ZMAT4: variants seen among roughly 807,000 people sequenced by gnomAD.
ZMAT4 encodes zinc finger matrin-type 4.
A neutral mutation model predicts 28.7 loss-of-function variants in ZMAT4; 17 were observed. The ratio of observed to expected loss-of-function variants is 0.59; its 90% CI spans 0.41 to 0.89. ZMAT4 has a LOEUF of 0.89. Among genes scored for constraint, ZMAT4 ranks in the 40% least tolerant of loss-of-function variants. The pLI, the probability that ZMAT4 is intolerant of heterozygous loss-of-function variation, is 0.00. For synonymous variants in ZMAT4, 117 were observed against 109.2 expected, an observed-to-expected ratio of 1.07 and a Z score of -0.44; for missense variants, 240 against 283.8, an observed-to-expected ratio of 0.85 and a Z score of 1.11.
intron 6 of ZMAT4, among the ~76,000 whole-genome samples, chr8:40,546,158 T>G (rs891117801): frequency 6.6e-6 from 1 of 151,810 alleles, no homozygotes; most frequent in Non-Finnish European, 1.5e-5. Flanking sequence ...AAAAGCAAAT[T>G]TAAGAAAATC....
intron 6 of ZMAT4, among the ~76,000 whole-genome samples, chr8:40,565,012 G>T (rs1347067963): frequency 2.0e-5 from 3 of 152,110 alleles, no homozygotes; most frequent in Non-Finnish European, 4.4e-5. Flanking sequence ...CTGCTCATTT[G>T]CTACCAATTC....
In ZMAT4 at chr8:40,674,779, T is replaced by A; in HGVS notation, c.502A>T (p.Lys168Ter). The change falls in exon 5 of 7, where the codon AAA becomes TAA. Residue 168 changes from lysine to a stop codon, truncating the protein, a stop_gained. Transcript: ENST00000297737. LOFTEE classifies it high-confidence loss of function. ...LMAQQHYDGK[K>*]HKKNAARVAL... ...ACTCTTGCCGCATTCTTTTTGTGTT[T>A]CTTGCCATCATAATGTTGCTGGGCC... The A allele has an allele frequency of 6.2e-7, 1 of 1,614,022 alleles. No individual in the cohort carries two copies. Among genetic ancestry groups the A allele is most frequent in the East Asian group, 2.2e-5 (1 of 44,878 alleles).
At chr8:40,778,228 C>T (rs1294297333) in intron 2 of ZMAT4, among the ~76,000 whole-genome samples, 1 of 152,168 alleles carries the variant, frequency 6.6e-6, no homozygotes, top group South Asian at 2.1e-4. Context: ...CTAGGGTGCA[C>T]TTAAAATGTG....
chr8:40,582,778 T>C (rs1804533968), intron 5 of ZMAT4, among the ~76,000 whole-genome samples: 1 of 152,232 alleles, frequency 6.6e-6, no homozygotes, highest in East Asian at 1.9e-4. Context: ...ATCTGGCATG[T>C]ATGTGAGAGT....
intron 5 of ZMAT4, among the ~76,000 whole-genome samples, chr8:40,602,178 G>A (rs759029086): frequency 5.9e-5 from 9 of 152,070 alleles, no homozygotes; most frequent in South Asian, 2.1e-4. Flanking sequence ...TCCAGGTTGC[G>A]CGAATGCCAT....
chr8:40,709,895 G>T (rs144643564), intron 3 of ZMAT4, among the ~76,000 whole-genome samples: 6 of 151,980 alleles, frequency 3.9e-5, no homozygotes, highest in African/African-American at 7.3e-5. Flanking sequence ...AAAATTAGCC[G>T]GGTGTGGTGG....
intron 6 of ZMAT4, among the ~76,000 whole-genome samples, chr8:40,557,354 C>T (rs2118448327): frequency 6.6e-6 from 1 of 151,880 alleles, no homozygotes; most frequent in African/African-American, 2.4e-5. Context: ...AGCTCCTACT[C>T]CTACTCTAGC....
intron 1 of ZMAT4, among the ~76,000 whole-genome samples, chr8:40,860,955 A>C (rs1817468795): frequency 6.6e-6 from 1 of 152,204 alleles, no homozygotes; most frequent in South Asian, 2.1e-4. Flanking sequence ...AGACAGACCC[A>C]AAAAAGGAGC....
At chr8:40,724,540 T>G (rs542270776) in intron 3 of ZMAT4, among the ~76,000 whole-genome samples, 1 of 152,384 alleles carries the variant, frequency 6.6e-6, no homozygotes, top group African/African-American at 2.4e-5. Context: ...ATCTACTATA[T>G]GCCAGGCATT....
chr8:40,594,128 G>A (rs959125330), intron 5 of ZMAT4, among the ~76,000 whole-genome samples: 1 of 152,036 alleles, frequency 6.6e-6, no homozygotes, highest in Non-Finnish European at 1.5e-5. Context: ...TTTCCCCTCC[G>A]CCAGCCTGAC....
At chr8:40,839,336 C>T (rs1226860499) in intron 1 of ZMAT4, among the ~76,000 whole-genome samples, 1 of 152,206 alleles carries the variant, frequency 6.6e-6, no homozygotes. Flanking sequence ...CCTCCAGAAA[C>T]TTACAAGTAA....
rs11461186 is a variant in ZMAT4, at chr8:40,732,834, C to CTTT, written c.192+34804_192+34806dup. Among the ~76,000 whole-genome samples, 138 of 67,068 alleles carry CTTT rather than the reference C, an allele frequency of 2.1e-3. 16 individuals are homozygous for CTTT. Among genetic ancestry groups the CTTT allele is most frequent in the Non-Finnish European group, 2.4e-3 (85 of 35,166 alleles). The allele number at this position is 67,068 out of a possible 152,430, so 44.0% of individuals were successfully genotyped here. ...GCAGACCTGGGCTGAGCAAGACCTC[C>CTTT]TTTTTTTTTTTTTTTTTTTTTTTTT... is the stretch of plus-strand genomic sequence containing the variant. On this transcript the variant is annotated intron_variant, in intron 3 of 6. Transcript: ENST00000297737.
At chr8:40,564,264 G>A (rs893681699) in intron 6 of ZMAT4, among the ~76,000 whole-genome samples, 2 of 152,112 alleles carry the variant, frequency 1.3e-5, no homozygotes, top group Non-Finnish European at 2.9e-5. Context: ...AACTCACTGA[G>A]TTTTGTATTG....
chr8:40,715,383 C>T (rs1810807720), intron 3 of ZMAT4, among the ~76,000 whole-genome samples: 1 of 152,088 alleles, frequency 6.6e-6, no homozygotes, highest in Non-Finnish European at 1.5e-5. Context: ...GCAACAACAG[C>T]CATGATCTAC....
chr8:40,691,415 AAAAAGAG>A (rs1012654180), intron 4 of ZMAT4, among the ~76,000 whole-genome samples: 5 of 151,994 alleles, frequency 3.3e-5, no homozygotes, highest in Admixed American at 1.3e-4. Flanking sequence ...AAAAAAAAAA[AAAAAGAG>A]AGAGAGACTT....
intron 3 of ZMAT4, among the ~76,000 whole-genome samples, chr8:40,759,531 G>T (rs73677451): frequency 0.12 from 18,955 of 152,106 alleles, 1,670 homozygotes; most frequent in East Asian, 0.38. Context: ...ATGTTCATCT[G>T]CAAAGCAGGA....
In ZMAT4 at chr8:40,887,412, C is replaced by G. The variant is rs926459024; in HGVS notation, c.-5+10271G>C. Among the ~76,000 whole-genome samples the G allele has an allele frequency of 2.0e-5, 3 of 151,452 alleles. No individual in the cohort carries two copies. The East Asian group carries it at 5.8e-4, about 29-fold the overall frequency. On this transcript the variant is annotated intron_variant, in intron 1 of 6. Transcript: ENST00000297737. ...GCTGAGACAAGAGAATTGCTTGAAC[C>G]CAGGAGGCAGAGGTTGCAGTGAGCT...
chr8:40,803,015 A>T (rs1410937636), intron 2 of ZMAT4, among the ~76,000 whole-genome samples: 1 of 152,216 alleles, frequency 6.6e-6, no homozygotes, highest in African/African-American at 2.4e-5. Flanking sequence ...CTGGACATCC[A>T]CATACACAAC....
In ZMAT4 at chr8:40,785,802, G is replaced by A. The variant is rs146810609; in HGVS notation, c.103-18072C>T. On this transcript the variant is annotated intron_variant, in intron 2 of 6. Coordinates refer to ENST00000297737, the MANE Select transcript of ZMAT4 (RefSeq NM_024645.3). ...ACGTTATTGGGCACCACATTATGCA[G>A]TACCATGCATAACCCTTTCCCTCCC... is the stretch of plus-strand genomic sequence containing the variant. 5.3e-3 allele frequency among the ~76,000 whole-genome samples: 811 copies of A among 152,226 alleles called. 8 individuals carry two copies. The highest frequency in any genetic ancestry group is 0.018 in the African/African-American group (755 of 41,534).
Sources: allele counts gnomAD v4.1 joint callset (sites outside exome capture counted in the v4.1 genomes callset), GRCh38; gene constraint gnomAD v4.1.1; transcripts MANE v1.5; gene names NCBI Gene and HGNC (gene_info 2026-07-23, HGNC 2026-07-21).